Variants in SUMF1 observed in about 807,000 individuals in gnomAD.
SUMF1 encodes sulfatase modifying factor 1.
A neutral mutation model predicts 47.6 loss-of-function variants in SUMF1; 48 were observed. The observed-to-expected ratio is 1.01, with a 90% confidence interval of 0.80 to 1.28. SUMF1 has a LOEUF of 1.28. SUMF1 is among the 50% of genes most tolerant of loss of function. The probability of loss-of-function intolerance (pLI) is 0.00; values close to 1 mark genes in which losing one functional copy is unlikely to be tolerated. For synonymous variants in SUMF1, 230 were observed against 192.1 expected, an observed-to-expected ratio of 1.20 and a Z score of -1.63; for missense variants, 571 against 485.4, an observed-to-expected ratio of 1.18 and a Z score of -1.66.
At chr3:4,077,183 C>T (rs892723156) in intron 8 of SUMF1, among the ~76,000 whole-genome samples, 4 of 152,022 alleles carry the variant, frequency 2.6e-5, no homozygotes, top group East Asian at 1.9e-4. Context: ...TGTGGAGAAA[C>T]AGGAATGCTT....
rs1695204881 is a variant in SUMF1, at chr3:4,057,047, T to C, written c.1191+11522A>G. Among the ~76,000 whole-genome samples the C allele has an allele frequency of 1.3e-5, 2 of 152,112 alleles. 1 individual carries two copies. The highest frequency in any genetic ancestry group is 2.9e-5 in the Non-Finnish European group (2 of 68,020). ...AGGCGTGAGCCACCGCGCCCGGCCG[T>C]GATCCATAATTTTTACAACAAGCAT... On this transcript the variant is annotated intron_variant and NMD_transcript_variant, in intron 9 of 12. Transcript: ENST00000448413.
chr3:4,304,280 T>G (rs186259995), intron 8 of SUMF1, among the ~76,000 whole-genome samples: 1,637 of 152,282 alleles, frequency 0.011, 12 homozygotes, highest in Non-Finnish European at 0.017. Flanking sequence ...TAGCTGGGAT[T>G]ACAGGCATGG....
intron 8 of SUMF1, among the ~76,000 whole-genome samples, chr3:4,221,416 T>TGG (rs1559582204): frequency 7.4e-5 from 1 of 13,424 alleles, no homozygotes; most frequent in East Asian, 1.1e-3. Flanking sequence ...TTTTTTGGGG[T>TGG]GTGTGTGTGT....
At chr3:4,366,311 T>G (rs1405741429) in intron 8 of SUMF1, among the ~76,000 whole-genome samples, 1 of 152,212 alleles carries the variant, frequency 6.6e-6, no homozygotes, top group African/African-American at 2.4e-5. Context: ...CTGCAGAGTG[T>G]TTCCAACTTG....
At chr3:4,462,113 T>C (rs1393791457) in intron 1 of SUMF1, among the ~76,000 whole-genome samples, 1 of 152,228 alleles carries the variant, frequency 6.6e-6, no homozygotes, top group Non-Finnish European at 1.5e-5. Flanking sequence ...CCTCTACTTC[T>C]TGTAAAATAC....
intron 8 of SUMF1, among the ~76,000 whole-genome samples, chr3:4,209,042 A>G (rs1012297578): frequency 1.3e-5 from 2 of 152,102 alleles, no homozygotes; most frequent in Non-Finnish European, 2.9e-5. Context: ...TTTTCTGAAA[A>G]AGTTTGTGTA....
chr3:4,238,022 C>T (rs944830582), intron 8 of SUMF1, among the ~76,000 whole-genome samples: 12 of 151,558 alleles, frequency 7.9e-5, no homozygotes, highest in African/African-American at 2.9e-4. Flanking sequence ...TGAGTGAGAA[C>T]ATGTGGTGTT....
intron 8 of SUMF1, among the ~76,000 whole-genome samples, chr3:4,244,107 T>A (rs775597004): frequency 4.6e-5 from 7 of 152,176 alleles, no homozygotes; most frequent in Non-Finnish European, 8.8e-5. Flanking sequence ...TCCTTTCCAT[T>A]TGCTTGGTGG....
intron 3 of SUMF1, among the ~76,000 whole-genome samples, chr3:4,434,603 T>C (rs993499382): frequency 6.6e-6 from 1 of 152,264 alleles, no homozygotes; most frequent in Non-Finnish European, 1.5e-5. Context: ...CAGGTGGTAC[T>C]GTATACATTA....
intron 8 of SUMF1, among the ~76,000 whole-genome samples, chr3:4,247,051 T>G (rs902771486): frequency 1.3e-5 from 2 of 152,158 alleles, no homozygotes; most frequent in Non-Finnish European, 2.9e-5. Flanking sequence ...ATGTTTTCAG[T>G]ATTAATTTCT....
At chr3:4,379,443 T>C (rs1382925750) in intron 7 of SUMF1, among the ~76,000 whole-genome samples, 1 of 152,114 alleles carries the variant, frequency 6.6e-6, no homozygotes, top group African/African-American at 2.4e-5. Flanking sequence ...ATGAGAAGGA[T>C]TCCTGGAAGT....
intron 8 of SUMF1, among the ~76,000 whole-genome samples, chr3:4,344,074 C>T (rs1699324633): frequency 1.3e-5 from 2 of 152,166 alleles, no homozygotes; most frequent in African/African-American, 4.8e-5. Context: ...ATTGACAGGC[C>T]AAGATGACTG....
intron 8 of SUMF1, among the ~76,000 whole-genome samples, chr3:4,188,423 G>A (rs142007358): frequency 6.6e-6 from 1 of 151,924 alleles, no homozygotes. Flanking sequence ...TATTTTCACT[G>A]TCCTAAAAAT....
chr3:4,266,909 A>G (rs1310806604), intron 8 of SUMF1, among the ~76,000 whole-genome samples: 6 of 150,850 alleles, frequency 4.0e-5, no homozygotes, highest in Non-Finnish European at 1.5e-5. Flanking sequence ...ATCAATACCT[A>G]ATTTATTGAG....
intron 8 of SUMF1, among the ~76,000 whole-genome samples, chr3:4,116,829 G>T (rs935489550): frequency 1.3e-5 from 2 of 152,090 alleles, no homozygotes; most frequent in Admixed American, 1.3e-4. Flanking sequence ...TACTTACTGA[G>T]ATTGGCAGTT....
chr3:4,172,878 T>A (rs1037618937), intron 8 of SUMF1, among the ~76,000 whole-genome samples: 5 of 152,236 alleles, frequency 3.3e-5, no homozygotes, highest in African/African-American at 1.2e-4. Context: ...TTTGTCAATT[T>A]TGGCTTCTGT....
chr3:4,417,192 T>A lies in SUMF1; in HGVS notation c.776A>T (p.Asn259Ile), dbSNP rs764215221. The A allele has an allele frequency of 1.2e-4, 188 of 1,613,932 alleles. No homozygotes were observed. Among genetic ancestry groups the A allele is most frequent in the Non-Finnish European group, 4.0e-5 (47 of 1,179,962 alleles). The change falls in exon 6 of 9, where the codon AAC becomes ATC. Residue 259 changes from asparagine to isoleucine, a missense_variant. By Grantham distance (149) the Asn-to-Ile change is moderately radical. Coordinates refer to ENST00000272902, the MANE Select transcript of SUMF1 (RefSeq NM_182760.4). The part of the protein sequence containing the change: ...KLQPKGQHYA[N>I]IWQGEFPVTN... ...CACCGGAAACTCGCCCTGCCAAATGTTGGCATAATGCTGGCCTTTGGGCTG... is the reference window on the plus strand; with the variant it reads ...CACCGGAAACTCGCCCTGCCAAATGATGGCATAATGCTGGCCTTTGGGCTG...
chr3:4,466,973 C>A lies in SUMF1; in HGVS notation c.270+3G>T, dbSNP rs1172710469. 6.2e-7 allele frequency: 1 copy of A among 1,604,622 alleles called. No homozygotes were observed. The highest frequency in any genetic ancestry group is 1.3e-5 in the African/African-American group (1 of 74,900). On this transcript the variant is annotated splice_donor_region_variant and intron_variant, in intron 1 of 8. Transcript: ENST00000272902. ...ACCCGCCTCGGAGGAATCGATGGAG[C>A]ACCTTTGAGTGCGCGAGTTGCCGCT...
At chr3:4,244,816 C>A (rs1442204197) in intron 8 of SUMF1, among the ~76,000 whole-genome samples, 1 of 152,096 alleles carries the variant, frequency 6.6e-6, no homozygotes, top group Non-Finnish European at 1.5e-5. Context: ...TGGGGAAGTT[C>A]TCCTGGATAA....
Sources: gnomAD v4.1 joint callset for allele counts (sites outside exome capture counted in the v4.1 genomes callset) on GRCh38, gnomAD v4.1.1 for gene constraint, MANE v1.5 for transcripts, NCBI Gene and HGNC (gene_info 2026-07-23, HGNC 2026-07-21) for gene names.